Variants in TOX3 observed in about 807,000 individuals in gnomAD.
TOX3 encodes TOX high mobility group box family member 3, also known as CAG trinucleotide repeat-containing gene F9 protein.
A neutral mutation model predicts 64.3 loss-of-function variants in TOX3; 22 were observed. The observed-to-expected ratio is 0.34, with a 90% CI of 0.24 to 0.49. The LOEUF (loss-of-function observed/expected upper bound fraction) is 0.49, where lower values mean the gene tolerates loss of function less well. Ranked by LOEUF, TOX3 falls within the 20% of genes least tolerant of loss-of-function variation. The pLI, the probability that TOX3 is intolerant of heterozygous loss-of-function variation, is 0.99. For missense variants in TOX3, 661 were observed against 714.4 expected, an observed-to-expected ratio of 0.93 and a Z score of 0.85; for synonymous variants, 291 against 273.6, an observed-to-expected ratio of 1.06 and a Z score of -0.63.
chr16:52,461,417 TC>T (rs1358486978), intron 3 of TOX3, among the ~76,000 whole-genome samples: 4 of 152,222 alleles, frequency 2.6e-5, no homozygotes, highest in East Asian at 3.9e-4. Flanking sequence ...CTCTTTTTAA[TC>T]CCCCTTTTTT....
intron 1 of TOX3, among the ~76,000 whole-genome samples, chr16:52,511,797 C>T (rs866282866): frequency 6.6e-6 from 1 of 152,050 alleles, no homozygotes; most frequent in Non-Finnish European, 1.5e-5. Context: ...GTTTGAGAAC[C>T]GTTAGCCTAT....
Position 52,469,332 on chromosome 16 carries a change from T to C in TOX3, c.88-758A>G, listed in dbSNP as rs1960966177. On this transcript the variant is annotated intron_variant, in intron 1 of 6. Transcript: ENST00000219746. The stretch of plus-strand genomic sequence containing the variant: ...GCTCTTTACCTCTAGGGACCTGTTA[T>C]CAAAACGTAAAACTTGGATTTTGGC... Among the ~76,000 whole-genome samples the C allele has an allele frequency of 2.6e-5, 4 of 152,216 alleles. No individual in the cohort carries two copies. In the South Asian group the frequency reaches 6.2e-4, roughly 24 times the overall value.
In TOX3 at chr16:52,471,200, G is replaced by T. The variant is rs1483123379; in HGVS notation, c.88-2626C>A. On this transcript the variant is annotated intron_variant, in intron 1 of 6. Coordinates refer to ENST00000219746, the MANE Select transcript of TOX3 (RefSeq NM_001080430.4). The stretch of plus-strand genomic sequence containing the variant: ...TTATCTGAGATTCAAATTTAACTGG[G>T]TGCTGTGTATTTTTATTTGGTAAAT... Among the ~76,000 whole-genome samples, 3 of 152,138 alleles carry T rather than the reference G, an allele frequency of 2.0e-5. No homozygotes were observed. The East Asian group carries it at 5.8e-4, about 29-fold the overall frequency.
chr16:52,472,091 C>T (rs1259434266), intron 1 of TOX3, among the ~76,000 whole-genome samples: 3 of 152,148 alleles, frequency 2.0e-5, no homozygotes, highest in Non-Finnish European at 2.9e-5. Context: ...GTTCCATGGT[C>T]CAGTAAGGTT....
intron 1 of TOX3, among the ~76,000 whole-genome samples, chr16:52,542,820 C>A (rs1327262876): frequency 6.6e-6 from 1 of 152,150 alleles, no homozygotes; most frequent in Non-Finnish European, 1.5e-5. Flanking sequence ...CAATTTGAAC[C>A]ATGATCCCCA....
intron 1 of TOX3, among the ~76,000 whole-genome samples, chr16:52,498,781 C>A (rs1327201431): frequency 6.6e-6 from 1 of 152,208 alleles, no homozygotes; most frequent in Non-Finnish European, 1.5e-5. Flanking sequence ...TCCTGCTTCC[C>A]CGTGCATCGC....
chr16:52,531,552 G>T (rs1349010199), intron 1 of TOX3, among the ~76,000 whole-genome samples: 3 of 152,182 alleles, frequency 2.0e-5, no homozygotes, highest in Non-Finnish European at 4.4e-5. Context: ...TAATAGCTAT[G>T]CATTTATTGT....
intron 3 of TOX3, among the ~76,000 whole-genome samples, chr16:52,455,352 C>A (rs1047764593): frequency 1.3e-5 from 2 of 152,014 alleles, no homozygotes; most frequent in South Asian, 4.2e-4. Context: ...TGGCCTCTAC[C>A]CACTAGATAC....
At chr16:52,539,759 A>G (rs1384797232) in intron 1 of TOX3, among the ~76,000 whole-genome samples, 1 of 152,170 alleles carries the variant, frequency 6.6e-6, no homozygotes, top group Non-Finnish European at 1.5e-5. Context: ...TGATCTGGTT[A>G]TCTTTCCTCA....
At chr16:52,512,546 A>C (rs1275351863) in intron 1 of TOX3, among the ~76,000 whole-genome samples, 1 of 152,224 alleles carries the variant, frequency 6.6e-6, no homozygotes, top group Non-Finnish European at 1.5e-5. Flanking sequence ...GTGACAAAAG[A>C]GGCCAAAGTC....
At chr16:52,469,848 G>A (rs1419217647) in intron 1 of TOX3, among the ~76,000 whole-genome samples, 1 of 152,138 alleles carries the variant, frequency 6.6e-6, no homozygotes, top group Non-Finnish European at 1.5e-5. Context: ...AAGCAGGATT[G>A]ACATGCTACA....
intron 1 of TOX3, among the ~76,000 whole-genome samples, chr16:52,481,242 T>C (rs1168879275): frequency 6.6e-6 from 1 of 152,238 alleles, no homozygotes; most frequent in Non-Finnish European, 1.5e-5. Flanking sequence ...AAAGATTCTC[T>C]TAAATGTGTT....
intron 1 of TOX3, among the ~76,000 whole-genome samples, chr16:52,498,595 G>T (rs549267464): frequency 2.6e-5 from 4 of 152,098 alleles, no homozygotes; most frequent in Admixed American, 1.3e-4. Context: ...GGTTGGGGGG[G>T]GGAGGCTGTA....
Position 52,437,097 on chromosome 16 carries a change from A to G in TOX3, c.*2128T>C, listed in dbSNP as rs1959773375. On this transcript the variant is annotated 3_prime_UTR_variant, in exon 7 of 7. Transcript: ENST00000219746. ...ATACAATCACTCCCTTGTAGATGTAATTAGGCATCATTCTAAGGCTGTTTG... is the reference window on the plus strand; with the variant it reads ...ATACAATCACTCCCTTGTAGATGTAGTTAGGCATCATTCTAAGGCTGTTTG... The G allele has an allele frequency of 6.6e-6, 1 of 152,210 alleles. No individual in the cohort carries two copies. The highest frequency in any genetic ancestry group is 2.4e-5 in the African/African-American group (1 of 41,456). 9.4% of individuals were successfully genotyped at this position (152,210 alleles called of 1,614,324 possible). A position where few individuals can be genotyped will look rare whatever the true frequency, so the allele number is the denominator to read the frequency against.
intron 1 of TOX3, among the ~76,000 whole-genome samples, chr16:52,541,247 A>G (rs906314654): frequency 2.0e-5 from 3 of 152,192 alleles, no homozygotes; most frequent in Admixed American, 1.3e-4. Flanking sequence ...CATCTCAGCT[A>G]CTACCGTACA....
At chr16:52,523,315 G>A (rs1477787176) in intron 1 of TOX3, among the ~76,000 whole-genome samples, 1 of 152,166 alleles carries the variant, frequency 6.6e-6, no homozygotes, top group Admixed American at 6.5e-5. Flanking sequence ...TGGGAGGGAA[G>A]TCAGACAGGC....
chr16:52,443,919 G>A (rs1960080256), intron 6 of TOX3, among the ~76,000 whole-genome samples: 1 of 152,130 alleles, frequency 6.6e-6, no homozygotes, highest in Non-Finnish European at 1.5e-5. Flanking sequence ...ATAATATGAT[G>A]TCCAAAAATG....
chr16:52,536,361 G>A (rs1215669961), intron 1 of TOX3, among the ~76,000 whole-genome samples: 1 of 151,626 alleles, frequency 6.6e-6, no homozygotes, highest in Non-Finnish European at 1.5e-5. Context: ...CTCAGACATA[G>A]GTGCTGAGAA....
chr16:52,490,508 C>T (rs1961650135), intron 1 of TOX3, among the ~76,000 whole-genome samples: 7 of 151,898 alleles, frequency 4.6e-5, no homozygotes, highest in Non-Finnish European at 1.5e-5. Context: ...CATTTCTCAC[C>T]CCACTCTCAA....
Sources: allele counts gnomAD v4.1 joint callset (sites outside exome capture counted in the v4.1 genomes callset), GRCh38; gene constraint gnomAD v4.1.1; transcripts MANE v1.5; gene names NCBI Gene and HGNC (gene_info 2026-07-23, HGNC 2026-07-21).